ATG16L2: variants seen among roughly 807,000 people sequenced by gnomAD.
ATG16L2 encodes protein Atg16l2.
In ATG16L2, 77 loss-of-function variants were observed where a neutral mutation model predicts 84.7. The ratio of observed to expected loss-of-function variants is 0.91; its 90% confidence interval spans 0.76 to 1.10. The LOEUF (loss-of-function observed/expected upper bound fraction) is 1.10, where lower values mean the gene tolerates loss of function less well. Ranked by LOEUF, ATG16L2 falls within the 50% of genes least tolerant of loss-of-function variation. ATG16L2 has a pLI of 0.00. For synonymous variants in ATG16L2, 361 were observed against 342.8 expected (o/e 1.05, Z -0.59); for missense variants, 782 against 817.6 (o/e 0.96, Z 0.53).
At chr11:72,841,430 AC>A in intron 5 of ATG16L2, 1 of 1,602,544 alleles carries the variant, frequency 6.2e-7, no homozygotes, top group Non-Finnish European at 8.5e-7. Context: ...ATGCATTTAG[AC>A]CCATGCCCAG....
At chr11:72,835,487 A>T (rs2135136864) in intron 5 of ATG16L2, among the ~76,000 whole-genome samples, 1 of 152,178 alleles carries the variant, frequency 6.6e-6, no homozygotes, top group South Asian at 2.1e-4. Context: ...GGCACACTTT[A>T]TATGGCCTTC....
intron 10 of ATG16L2, 136 bp from the exon 11 acceptor site, chr11:72,826,037 C>T: frequency 1.4e-6 from 1 of 701,020 alleles, no homozygotes; most frequent in Non-Finnish European, 2.4e-6. Context: ...GCAGAACAGA[C>T]CCAGCGATTC....
At chr11:72,825,276 G>T in intron 9 of ATG16L2, 26 bp from the exon 10 acceptor site, 1 of 1,597,634 alleles carries the variant, frequency 6.3e-7, no homozygotes, top group South Asian at 1.1e-5. Context: ...GGAGGGCCGG[G>T]GCACCAACCT....
At position 72,814,478 on chromosome 11, in the gene ATG16L2, A is replaced by G; in HGVS notation, c.33A>G (p.Ala11=). MAGPGVPGAP[A]ARWKRHIVRQ... The stretch of plus-strand genomic sequence containing the variant: ...GGCCGGGCGTCCCCGGTGCCCCCGC[A>G]GCGCGCTGGAAACGCCACATCGTGC... The change falls in exon 1 of 18, where the codon GCA becomes GCG. Residue 11 remains alanine (A), a synonymous_variant. Transcript: ENST00000321297. The G allele has an allele frequency of 6.6e-7, 1 of 1,519,854 alleles. No individual in the cohort carries two copies. The highest frequency in any genetic ancestry group is 8.9e-7 in the Non-Finnish European group (1 of 1,129,642). 94.1% of individuals were successfully genotyped at this position (1,519,854 alleles called of 1,614,324 possible). A position where few individuals can be genotyped will look rare whatever the true frequency, so the allele number is the denominator to read the frequency against.
intron 13 of ATG16L2, 164 bp from the exon 14 acceptor site, chr11:72,827,024 G>A (rs1366384985): frequency 1.2e-6 from 1 of 853,166 alleles, no homozygotes; most frequent in African/African-American, 1.7e-5. Context: ...CTCAGGCTGT[G>A]GGTAGGAAAA....
chr11:72,830,761 C>T (rs1860589230), downstream of ATG16L2, among the ~76,000 whole-genome samples: 1 of 149,828 alleles, frequency 6.7e-6, no homozygotes, highest in African/African-American at 2.5e-5. Flanking sequence ...CCCTGCTGGC[C>T]TCTCAGCTTC....
chr11:72,823,592 C>T, intron 7 of ATG16L2: 1 of 427,068 alleles, frequency 2.3e-6, no homozygotes, highest in Non-Finnish European at 4.7e-6. Context: ...AGTGAAGAAA[C>T]CGTGGGGAGG....
chr11:72,829,415 G>T lies in ATG16L2; in HGVS notation c.*25G>T. On this transcript the variant is annotated 3_prime_UTR_variant, in exon 18 of 18. Coordinates refer to ENST00000321297, the MANE Select transcript of ATG16L2 (RefSeq NM_033388.2). ...GGGCCACGACCTGCCTGCCTGGGCT[G>T]GAGCTCTTGCCCGAAGCCTGAAGCT... 1 of 1,602,884 alleles carries T rather than the reference G, an allele frequency of 6.2e-7. No individual in the cohort carries two copies.
chr11:72,842,513 G>T, intron 5 of ATG16L2: 1 of 1,347,336 alleles, frequency 7.4e-7, no homozygotes, highest in South Asian at 1.4e-5. Flanking sequence ...CCAAGGACCG[G>T]TGAGGGTAAG....
Position 72,821,739 on chromosome 11 carries a change from C to G in ATG16L2, c.390C>G (p.Ser130Arg). ...TLESELQQRQSRLAALEARVA... is the reference protein window; with the variant it reads ...TLESELQQRQRRLAALEARVA... ...AGTCGGAGCTGCAGCAGAGGCAAAGCAGGTGAGGCGCGGGCGGGGGCGGGA... is the reference window on the plus strand; with the variant it reads ...AGTCGGAGCTGCAGCAGAGGCAAAGGAGGTGAGGCGCGGGCGGGGGCGGGA... Residue 130 changes from serine to arginine, a missense_variant and splice_region_variant, in exon 4 of 18, where the codon AGC (serine) becomes AGG (arginine). Coordinates refer to ENST00000321297, the MANE Select transcript of ATG16L2 (RefSeq NM_033388.2). The G allele has an allele frequency of 6.5e-7, 1 of 1,536,488 alleles. No individual in the cohort carries two copies. The highest frequency in any genetic ancestry group is 8.7e-7 in the Non-Finnish European group (1 of 1,145,936).
chr11:72,826,614 C>T, intron 12 of ATG16L2, 25 bp downstream of exon 12: 1 of 1,614,118 alleles, frequency 6.2e-7, no homozygotes, highest in African/African-American at 1.3e-5. Context: ...GGGAGGCTGC[C>T]TGGAGGTCAG....
At chr11:72,840,909 T>TA in intron 5 of ATG16L2, 1 of 1,613,272 alleles carries the variant, frequency 6.2e-7, no homozygotes, top group Non-Finnish European at 8.5e-7. Context: ...GTCTCAGGAG[T>TA]ATGCCTTGAT....
chr11:72,841,462 G>A (rs199623106), intron 5 of ATG16L2: 2 of 1,610,346 alleles, frequency 1.2e-6, no homozygotes, highest in Non-Finnish European at 1.7e-6. Flanking sequence ...ACCGTTTGCT[G>A]AAGGAGACCG....
intron 3 of ATG16L2, chr11:72,821,263 C>T (rs1859975063): frequency 9.8e-7 from 1 of 1,018,164 alleles, no homozygotes; most frequent in Non-Finnish European, 1.2e-6. Context: ...CTGCTGGGAA[C>T]ATCATGGCGC....
At chr11:72,831,985 G>A (rs1467849851), downstream of ATG16L2, among the ~76,000 whole-genome samples, 1 of 152,218 alleles carries the variant, frequency 6.6e-6, no homozygotes, top group Non-Finnish European at 1.5e-5. Context: ...CGGGGGTAGA[G>A]GTGTGATGCT....
intron 3 of ATG16L2, among the ~76,000 whole-genome samples, chr11:72,820,957 T>C (rs1047860854): frequency 2.6e-5 from 4 of 152,176 alleles, no homozygotes; most frequent in African/African-American, 7.2e-5. Context: ...CCCGAGTCCA[T>C]GCCTGATCTT....
chr11:72,824,207 G>A (rs1312506580), intron 8 of ATG16L2, 85 bp downstream of exon 8: 13 of 1,515,848 alleles, frequency 8.6e-6, no homozygotes, highest in African/African-American at 5.5e-5. Flanking sequence ...GCCTCGACCT[G>A]TCCATCCCTG....
In ATG16L2 at chr11:72,826,508, A is replaced by C; in HGVS notation, c.1174-10A>C. 1 of 1,613,634 alleles carries C rather than the reference A, an allele frequency of 6.2e-7. No individual in the cohort carries two copies. Among genetic ancestry groups the C allele is most frequent in the South Asian group, 1.1e-5 (1 of 91,050 alleles). On this transcript the variant is annotated splice_polypyrimidine_tract_variant and intron_variant, in intron 11 of 17. Transcript: ENST00000321297. The stretch of plus-strand genomic sequence containing the variant: ...CTTAGCACCTCTCACTTCCTCTCCC[A>C]TTTCTCCAGGGCTACCAGGTTTTAG...
chr11:72,834,296 G>C (rs1224602378), downstream of ATG16L2, among the ~76,000 whole-genome samples: 1 of 152,172 alleles, frequency 6.6e-6, no homozygotes, highest in African/African-American at 2.4e-5. Context: ...GGCAGTCATT[G>C]GCCACAAAAC....
Sources: allele counts gnomAD v4.1 joint callset (sites outside exome capture counted in the v4.1 genomes callset), GRCh38; gene constraint gnomAD v4.1.1; transcripts MANE v1.5; gene names NCBI Gene and HGNC (gene_info 2026-07-23, HGNC 2026-07-21).